IQSEC1: variants seen among roughly 807,000 people sequenced by gnomAD.
IQSEC1 encodes the protein IQ motif and Sec7 domain ArfGEF 1, also known as IQ motif and SEC7 domain-containing protein 1.
In IQSEC1, 31 loss-of-function variants were observed where a neutral mutation model predicts 91.0. The ratio of observed to expected loss-of-function variants is 0.34; its 90% confidence interval spans 0.26 to 0.46. The LOEUF is 0.46. Ranked by LOEUF, IQSEC1 falls within the 20% of genes least tolerant of loss-of-function variation. The pLI is 1.00. For synonymous variants in IQSEC1, 699 were observed against 662.6 expected (o/e 1.05, Z -0.84); for missense variants, 1,388 against 1,575.6 (o/e 0.88, Z 2.02).
chr3:12,928,172 G>A (rs938728358), intron 3 of IQSEC1, among the ~76,000 whole-genome samples: 1 of 151,434 alleles, frequency 6.6e-6, no homozygotes, highest in African/African-American at 2.4e-5. Flanking sequence ...AGGGGGCCGG[G>A]TTGAGGACAC....
At chr3:12,923,999 G>T (rs1018401196) in intron 4 of IQSEC1, among the ~76,000 whole-genome samples, 2 of 152,216 alleles carry the variant, frequency 1.3e-5, no homozygotes, top group South Asian at 2.1e-4. Flanking sequence ...ATCAGGAGGT[G>T]GGGGCAGGAC....
chr3:13,076,098 T>C (rs186907162), upstream of IQSEC1, among the ~76,000 whole-genome samples: 355 of 152,338 alleles, frequency 2.3e-3, 1 homozygote, highest in African/African-American at 8.3e-3. Context: ...TTCCTCACTT[T>C]CGCAGTTGTA....
chr3:12,979,536 C>T lies in IQSEC1; in HGVS notation c.24-37671G>A, dbSNP rs74319193. 3.3e-3 allele frequency among the ~76,000 whole-genome samples: 505 copies of T among 152,316 alleles called. 4 individuals carry two copies. The highest frequency in any genetic ancestry group is 0.011 in the African/African-American group (477 of 41,560). On this transcript the variant is annotated intron_variant, in intron 1 of 13. Transcript: ENST00000613206. The surrounding 1 kb of genome is among the most constrained non-coding windows in gnomAD (Gnocchi z 4.3). Reference sequence around the variant, plus strand: ...CACACTCTAAGATGTCCCTGGACAGCGGTTGTCTCTGGGGAGGGGAATGGG... The same window carrying T: ...CACACTCTAAGATGTCCCTGGACAGTGGTTGTCTCTGGGGAGGGGAATGGG...
chr3:13,257,291 A>G (rs1447618544), intron 1 of IQSEC1, among the ~76,000 whole-genome samples: 1 of 152,182 alleles, frequency 6.6e-6, no homozygotes, highest in Non-Finnish European at 1.5e-5. Context: ...TCCCCAGTGC[A>G]TGCATATGAG....
At chr3:13,136,747 G>A (rs2004402) in intron 2 of IQSEC1, among the ~76,000 whole-genome samples, 40,762 of 152,154 alleles carry the variant, frequency 0.27, 5,657 homozygotes, top group South Asian at 0.45. Flanking sequence ...GGACAAAAAT[G>A]AGACATCTCA....
At chr3:13,156,852 C>T (rs921716393) in intron 2 of IQSEC1, among the ~76,000 whole-genome samples, 1 of 152,172 alleles carries the variant, frequency 6.6e-6, no homozygotes, top group African/African-American at 2.4e-5. Context: ...GCTGAGGGAA[C>T]AGCACAGGCA....
intron 1 of IQSEC1, among the ~76,000 whole-genome samples, chr3:12,953,252 G>A (rs1411398306): frequency 6.6e-6 from 1 of 152,228 alleles, no homozygotes; most frequent in Non-Finnish European, 1.5e-5. Flanking sequence ...CCTGTCCAAT[G>A]GCCCATCAGA....
chr3:13,030,511 CCTGAT>C (rs1703804637), intron 1 of IQSEC1, among the ~76,000 whole-genome samples: 1 of 152,196 alleles, frequency 6.6e-6, no homozygotes, highest in African/African-American at 2.4e-5. Flanking sequence ...AATCAAGCTT[CCTGAT>C]CTAACTCCCA....
chr3:12,941,531 T>G, intron 2 of IQSEC1, 40 bp downstream of exon 2: 1 of 1,497,158 alleles, frequency 6.7e-7, no homozygotes, highest in Non-Finnish European at 9.0e-7. Flanking sequence ...AGAGCTGCCC[T>G]GCGCTTGCAT....
chr3:13,057,817 G>A (rs1704929859), intron 1 of IQSEC1, among the ~76,000 whole-genome samples: 1 of 152,204 alleles, frequency 6.6e-6, no homozygotes, highest in Non-Finnish European at 1.5e-5. Flanking sequence ...ACTCCCTGCT[G>A]TTTTAGGGCT....
rs941799373 is a variant in IQSEC1 at position 13,185,239 on chromosome 3, C to A, written c.273-21106G>T. 2.6e-5 allele frequency among the ~76,000 whole-genome samples: 4 copies of A among 152,134 alleles called. No homozygotes were observed. In the East Asian group the frequency reaches 7.7e-4, roughly 29 times the overall value. On this transcript the variant is annotated intron_variant, in intron 1 of 15. Coordinates refer to the IQSEC1 transcript ENST00000648114. ...CCTCATCTGTCAATGGGAGTTGTCA[C>A]CTCGTTCTTCCCCAGGCTGTTTAGA... is the stretch of plus-strand genomic sequence containing the variant.
chr3:13,127,929 A>G (rs1044498799), intron 2 of IQSEC1, among the ~76,000 whole-genome samples: 1 of 152,220 alleles, frequency 6.6e-6, no homozygotes, highest in African/African-American at 2.4e-5. Context: ...ACAATTATAA[A>G]TGGTATGTGT....
chr3:13,151,871 C>T (rs527960599), intron 2 of IQSEC1, among the ~76,000 whole-genome samples: 3 of 152,110 alleles, frequency 2.0e-5, no homozygotes, highest in African/African-American at 4.8e-5. Context: ...GAGGCTGAGG[C>T]AGGAGAATCA....
intron 2 of IQSEC1, among the ~76,000 whole-genome samples, chr3:13,130,616 A>G (rs1206042749): frequency 6.6e-6 from 1 of 151,948 alleles, no homozygotes; most frequent in African/African-American, 2.4e-5. Context: ...TCCATACATC[A>G]AGGCTACTTG....
chr3:12,974,507 G>T (rs546072727), intron 1 of IQSEC1, among the ~76,000 whole-genome samples: 2 of 152,186 alleles, frequency 1.3e-5, no homozygotes, highest in African/African-American at 2.4e-5. Context: ...GGCAGGGCCC[G>T]CGAAGAACAG....
chr3:13,157,355 T>C (rs183301887), intron 2 of IQSEC1, among the ~76,000 whole-genome samples: 1 of 152,314 alleles, frequency 6.6e-6, no homozygotes, highest in Admixed American at 6.5e-5. Context: ...GATAGGTTTT[T>C]GCCCAGTGAC....
At chr3:13,254,549 T>C (rs1250541992) in intron 1 of IQSEC1, among the ~76,000 whole-genome samples, 2 of 152,250 alleles carry the variant, frequency 1.3e-5, no homozygotes, top group African/African-American at 2.4e-5. Context: ...AGGCAAGGTT[T>C]CATCACAGCC....
At position 13,161,750 on chromosome 3, in the gene IQSEC1, G is replaced by A. The variant is rs562311667; in HGVS notation, c.302+2354C>T. Among the ~76,000 whole-genome samples, 4 of 152,304 alleles carry A rather than the reference G, an allele frequency of 2.6e-5. No homozygotes were observed. The South Asian group carries it at 8.3e-4, about 32-fold the overall frequency. On this transcript the variant is annotated intron_variant, in intron 2 of 15. Transcript: ENST00000648114. ...TTTTGGGGCTGGATTCTTCAGCCCT[G>A]GAAGAACTAAACACAGCCTTCCCTG... is the stretch of plus-strand genomic sequence containing the variant.
chr3:13,157,427 C>T (rs1707101094), intron 2 of IQSEC1, among the ~76,000 whole-genome samples: 1 of 152,136 alleles, frequency 6.6e-6, no homozygotes, highest in African/African-American at 2.4e-5. Flanking sequence ...AGTAGTGCCT[C>T]TGAAAGCAGG....
Sources: gnomAD v4.1 joint callset for allele counts (sites outside exome capture counted in the v4.1 genomes callset) on GRCh38, gnomAD v4.1.1 for gene constraint, Gnocchi (gnomAD v3.1) non-coding constraint, MANE v1.5 for transcripts, NCBI Gene and HGNC (gene_info 2026-07-23, HGNC 2026-07-21) for gene names.